The following ZNF676 variants were observed in gnomAD, a reference collection of about 807,000 sequenced individuals.
ZNF676 encodes zinc finger protein 676.
Under a neutral mutation model 6.0 loss-of-function variants are expected in ZNF676, and 4 were observed. The ratio of observed to expected loss-of-function variants is 0.67; its 90% CI spans 0.33 to 1.53. The LOEUF (loss-of-function observed/expected upper bound fraction) is 1.53, where lower values mean the gene tolerates loss of function less well. Among genes scored for constraint, ZNF676 ranks in the 40% most tolerant of loss-of-function variants. The pLI is 0.06. For missense variants in ZNF676, 644 were observed against 679.7 expected, an observed-to-expected ratio of 0.95 and a Z score of 0.58; for synonymous variants, 198 against 223.1, an observed-to-expected ratio of 0.89 and a Z score of 1.00.
chr19:22,183,893 C>T (rs1351223625), intron 2 of ZNF676, among the ~76,000 whole-genome samples: 2 of 152,130 alleles, frequency 1.3e-5, no homozygotes, highest in Non-Finnish European at 2.9e-5. Context: ...AATAGATTAA[C>T]TGGGAATCTG....
At chr19:22,201,621 G>T (rs1021624444), upstream of ZNF676, among the ~76,000 whole-genome samples, 4 of 149,378 alleles carry the variant, frequency 2.7e-5, no homozygotes, top group African/African-American at 9.9e-5. Flanking sequence ...ATGAACATAA[G>T]CAGACAGTTT....
Position 22,180,719 on chromosome 19 carries a change from C to G in ZNF676, c.998G>C (p.Gly333Ala), listed in dbSNP as rs758728714. ...SLTEHKRIHA[G>A]EKPYKCEECG... The stretch of plus-strand genomic sequence containing the variant: ...TTCTTCACATTTGTAGGGTTTCTCT[C>G]CAGCATGAATTCTCTTGTGTTCAGT... The change falls in exon 3 of 3, where the codon GGA becomes GCA. Residue 333 changes from glycine to alanine, a missense_variant. Coordinates refer to ENST00000397121, the MANE Select transcript of ZNF676 (RefSeq NM_001001411.3). 1 of 1,612,490 alleles carries G rather than the reference C, an allele frequency of 6.2e-7. No individual in the cohort carries two copies. The highest frequency in any genetic ancestry group is 1.7e-4 in the Middle Eastern group (1 of 6,046).
chr19:22,208,902 C>T (rs11880458), intron 1 of ZNF676, among the ~76,000 whole-genome samples: 2,658 of 152,160 alleles, frequency 0.017, 49 homozygotes, highest in African/African-American at 0.039. Context: ...GATCACACCA[C>T]TGCACTGCAG....
upstream of ZNF676, chr19:22,215,796 G>GT (rs926971387): frequency 5.6e-5 from 37 of 664,596 alleles, no homozygotes; most frequent in Admixed American, 3.6e-4. Flanking sequence ...AAGCCGACCT[G>GT]TCCCCCCCCC....
At chr19:22,212,230 G>GA (rs889936997) in intron 1 of ZNF676, among the ~76,000 whole-genome samples, 13 of 147,502 alleles carry the variant, frequency 8.8e-5, no homozygotes, top group African/African-American at 3.2e-4. Flanking sequence ...GAAAAGAAAA[G>GA]AAAACCACAC....
chr19:22,220,914 G>C, the ZNF676 span, among the ~76,000 whole-genome samples: 2 of 152,216 alleles, frequency 1.3e-5, no homozygotes, highest in East Asian at 3.9e-4. Flanking sequence ...ATTCGTAGCA[G>C]CTTTGAATGA....
Position 22,196,659 on chromosome 19 carries a change from G to A in ZNF676, c.-26C>T, listed in dbSNP as rs571104705. 1 of 1,613,668 alleles carries A rather than the reference G, an allele frequency of 6.2e-7. No individual in the cohort carries two copies. The highest frequency in any genetic ancestry group is 1.7e-5 in the Admixed American group (1 of 59,988). On this transcript the variant is annotated 5_prime_UTR_variant, in exon 1 of 3. Transcript: ENST00000397121. ...CACATTCCTATATAAATTCTGCTGT[G>A]TAGAATCCAGGCATTGCCACTCCTC...
chr19:22,208,933 C>T (rs577296616), intron 1 of ZNF676, among the ~76,000 whole-genome samples: 7 of 151,666 alleles, frequency 4.6e-5, no homozygotes, highest in Non-Finnish European at 7.4e-5. Context: ...AAAGTGAGAC[C>T]CTGTCTCCAA....
intron 1 of ZNF676, among the ~76,000 whole-genome samples, chr19:22,214,061 C>A (rs761675994): frequency 9.2e-5 from 14 of 152,128 alleles, no homozygotes; most frequent in South Asian, 2.1e-4. Flanking sequence ...TCAAAATGTA[C>A]ACTAAAGGAC....
At position 22,202,168 on chromosome 19, in the gene ZNF676, G is replaced by A. The variant is rs115341687; in HGVS notation, c.4-5442C>T. On this transcript the variant is annotated intron_variant, in intron 1 of 3. Coordinates refer to the ZNF676 transcript ENST00000650058. ...TGGGCATTATAGCATGAGGAGGGAG[G>A]GAGAACTGGATTCTCACGTCTACAG... is the stretch of plus-strand genomic sequence containing the variant. Among the ~76,000 whole-genome samples the A allele has an allele frequency of 4.0e-3, 616 of 152,122 alleles. 4 individuals carry two copies. The highest frequency in any genetic ancestry group is 0.014 in the African/African-American group (585 of 41,516).
chr19:22,241,825 G>A, the ZNF676 span, among the ~76,000 whole-genome samples: 4 of 151,810 alleles, frequency 2.6e-5, no homozygotes, highest in Admixed American at 1.3e-4. Context: ...CTCATTTGTG[G>A]TCAGGTGTTT....
At chr19:22,232,609 G>A in the ZNF676 span, among the ~76,000 whole-genome samples, 1 of 151,948 alleles carries the variant, frequency 6.6e-6, no homozygotes, top group East Asian at 1.9e-4. Flanking sequence ...ACAATATCAG[G>A]ATACACAGCC....
the ZNF676 span, among the ~76,000 whole-genome samples, chr19:22,222,267 G>C: frequency 6.6e-6 from 1 of 152,020 alleles, no homozygotes; most frequent in Non-Finnish European, 1.5e-5. Flanking sequence ...ACCACGCATG[G>C]CTAATTTTTG....
At chr19:22,187,810 T>C (rs2023858442) in intron 2 of ZNF676, among the ~76,000 whole-genome samples, 1 of 151,814 alleles carries the variant, frequency 6.6e-6, no homozygotes, top group African/African-American at 2.4e-5. Flanking sequence ...CCCTCCCAAG[T>C]CTAAATCAGG....
the ZNF676 span, among the ~76,000 whole-genome samples, chr19:22,250,721 T>G: frequency 6.6e-6 from 1 of 152,046 alleles, no homozygotes; most frequent in African/African-American, 2.4e-5. Flanking sequence ...ATTTCTTTTT[T>G]TTTTTTTTAA....
intron 1 of ZNF676, among the ~76,000 whole-genome samples, chr19:22,210,868 G>A (rs2024122993): frequency 1.3e-5 from 2 of 152,104 alleles, no homozygotes; most frequent in Admixed American, 1.3e-4. Flanking sequence ...TTATGCTACT[G>A]CAGATTCAGT....
At chr19:22,181,785 A>G (rs2023757480) in intron 2 of ZNF676, among the ~76,000 whole-genome samples, 199 bp from the exon 3 acceptor site, 1 of 152,144 alleles carries the variant, frequency 6.6e-6, no homozygotes, top group African/African-American at 2.4e-5. Context: ...TTTATACATG[A>G]GTTAAGTGTG....
chr19:22,240,240 C>A, the ZNF676 span, among the ~76,000 whole-genome samples: 1 of 152,138 alleles, frequency 6.6e-6, no homozygotes, highest in African/African-American at 2.4e-5. Context: ...CACCTGTGTG[C>A]TGGACCCTGT....
the ZNF676 span, among the ~76,000 whole-genome samples, chr19:22,242,037 A>G: frequency 6.6e-6 from 1 of 151,824 alleles, no homozygotes. Context: ...TATGTGAGGG[A>G]GTGGAAATAA....
Sources: allele counts gnomAD v4.1 joint callset (sites outside exome capture counted in the v4.1 genomes callset), GRCh38; gene constraint gnomAD v4.1.1; transcripts MANE v1.5; gene names NCBI Gene and HGNC (gene_info 2026-07-23, HGNC 2026-07-21).